The following SLC2A1 variants were observed in gnomAD, a reference collection of about 807,000 sequenced individuals.
The protein encoded by SLC2A1 is solute carrier family 2 member 1.
SLC2A1 carries 4 observed loss-of-function variants against 46.6 expected under a neutral mutation model. The ratio of observed to expected loss-of-function variants is 0.09; its 90% CI spans 0.04 to 0.20. The LOEUF (loss-of-function observed/expected upper bound fraction) is 0.20, where lower values mean the gene tolerates loss of function less well. Among genes scored for constraint, SLC2A1 ranks in the 10% least tolerant of loss-of-function variants. The probability of loss-of-function intolerance (pLI) is 1.00; values close to 1 mark genes in which losing one functional copy is unlikely to be tolerated. For synonymous variants in SLC2A1, 253 were observed against 270.0 expected, an observed-to-expected ratio of 0.94 and a Z score of 0.62; for missense variants, 352 against 667.0, an observed-to-expected ratio of 0.53 and a Z score of 5.20.
chr1:42,927,486 G>A lies in SLC2A1; in HGVS notation c.1278+119C>T. ...CAGCATTCTTGGTCATGTGACCTGG[G>A]CTTCCTACCCTCAGTTTCCTCCTCA... On this transcript the variant is annotated intron_variant, in intron 9 of 9. Transcript: ENST00000426263. This position sits in a 1 kb window ranked among gnomAD's most constrained non-coding sequence, Gnocchi z 5.3. 9.4e-7 allele frequency: 1 copy of A among 1,059,224 alleles called. No individual in the cohort carries two copies. The highest frequency in any genetic ancestry group is 1.4e-6 in the Non-Finnish European group (1 of 699,504). The allele number at this position is 1,059,224 out of a possible 1,614,324, so 65.6% of individuals were successfully genotyped here. A position where few individuals can be genotyped will look rare whatever the true frequency, so the allele number is the denominator to read the frequency against.
rs1643470878 is a variant in SLC2A1, at chr1:42,929,982, C to T, written c.570G>A (p.Leu190=). 1 of 1,614,208 alleles carries T rather than the reference C, an allele frequency of 6.2e-7. No homozygotes were observed. The highest frequency in any genetic ancestry group is 1.3e-5 in the African/African-American group (1 of 75,056). The change falls in exon 5 of 10, where the codon CTG becomes CTA. Residue 190 remains leucine (L), a synonymous_variant. Coordinates refer to ENST00000426263, the MANE Select transcript of SLC2A1 (RefSeq NM_006516.4). The surrounding 1 kb of genome is among the most constrained non-coding windows in gnomAD (Gnocchi z 6.0). Reference sequence around the variant, plus strand: ...GCAGGGCCGGGATGAAGATGATGCTCAGCAGCAGGGGCCACAGGTCCTTGT... The same window carrying T: ...GCAGGGCCGGGATGAAGATGATGCTTAGCAGCAGGGGCCACAGGTCCTTGT... ...MGNKDLWPLL[L]SIIFIPALLQ...
At chr1:42,935,225 C>T (rs1184768221) in intron 2 of SLC2A1, among the ~76,000 whole-genome samples, 1 of 152,174 alleles carries the variant, frequency 6.6e-6, no homozygotes, top group African/African-American at 2.4e-5. Flanking sequence ...GGAGACCACC[C>T]TGGAGAAGCA....
chr1:42,943,019 T>G, intron 2 of SLC2A1: 9 of 616,542 alleles, frequency 1.5e-5, no homozygotes, highest in Non-Finnish European at 1.8e-5. Context: ...CTGTGGGACC[T>G]GAGATTCTAG....
intron 2 of SLC2A1, among the ~76,000 whole-genome samples, chr1:42,932,424 C>CTT (rs138624104): frequency 1.7e-4 from 26 of 152,078 alleles, no homozygotes; most frequent in Non-Finnish European, 4.4e-5. Flanking sequence ...GAAACGGCTT[C>CTT]TTATGCACGT....
At position 42,930,500 on chromosome 1, in the gene SLC2A1, G is replaced by C. The variant is rs773110252; in HGVS notation, c.516+126C>G. The stretch of plus-strand genomic sequence containing the variant: ...GTGTTCTCTGGACCTGTGTACCATA[G>C]TTGTCCTCTGCAAGGCTGTGGGGGC... On this transcript the variant is annotated intron_variant, in intron 4 of 9. Coordinates refer to ENST00000426263, the MANE Select transcript of SLC2A1 (RefSeq NM_006516.4). This position sits in a 1 kb window ranked among gnomAD's most constrained non-coding sequence, Gnocchi z 6.2. 7.7e-6 allele frequency: 10 copies of C among 1,306,224 alleles called. No individual in the cohort carries two copies. In the South Asian group the frequency reaches 1.1e-4, roughly 15 times the overall value. 80.9% of individuals were successfully genotyped at this position (1,306,224 alleles called of 1,614,324 possible). A position where few individuals can be genotyped will look rare whatever the true frequency, so the allele number is the denominator to read the frequency against.
intron 1 of SLC2A1, among the ~76,000 whole-genome samples, chr1:42,948,892 G>A (rs112893098): frequency 0.087 from 13,219 of 151,830 alleles, 736 homozygotes; most frequent in Admixed American, 0.17. Context: ...GTGAAACCCC[G>A]TTTCTACTAA....
chr1:42,957,758 T>C lies in SLC2A1; in HGVS notation c.18+876A>G, dbSNP rs566031388. Reference sequence around the variant, plus strand: ...AAAAAAGAAATCCTATCTAGGGAGTTGTTGGTCCCCAGAGTCCCCATCCCT... The same window carrying C: ...AAAAAAGAAATCCTATCTAGGGAGTCGTTGGTCCCCAGAGTCCCCATCCCT... On this transcript the variant is annotated intron_variant, in intron 1 of 9. Coordinates refer to ENST00000426263, the MANE Select transcript of SLC2A1 (RefSeq NM_006516.4). Among the ~76,000 whole-genome samples the C allele has an allele frequency of 5.8e-4, 89 of 152,250 alleles. 1 individual carries two copies. In the South Asian group the frequency reaches 0.018, roughly 31 times the overall value.
rs747475296 is a variant in SLC2A1, at chr1:42,947,579, CACAAAAAA to C, written c.19-4266_19-4259del. On this transcript the variant is annotated intron_variant, in intron 1 of 9. Transcript: ENST00000426263. ...TCTACTAAAATTACACACACACACA[CACAAAAAA>C]AAAAAAAAAAAAAAAAAAACAGCTG... Among the ~76,000 whole-genome samples, 16 of 28,586 alleles carry C rather than the reference CACAAAAAA, an allele frequency of 5.6e-4. No individual in the cohort carries two copies. The East Asian group carries it at 5.7e-3, about 10-fold the overall frequency. 18.8% of individuals were successfully genotyped at this position (28,586 alleles called of 152,430 possible). A position where few individuals can be genotyped will look rare whatever the true frequency, so the allele number is the denominator to read the frequency against.
chr1:42,948,960 C>T (rs1017527552), intron 1 of SLC2A1, among the ~76,000 whole-genome samples: 4 of 151,342 alleles, frequency 2.6e-5, no homozygotes, highest in Admixed American at 6.6e-5. Context: ...CCCAGCTACT[C>T]GGGAGGCTGA....
chr1:42,938,947 G>GGAGA (rs1643569703), intron 2 of SLC2A1, among the ~76,000 whole-genome samples: 2 of 152,240 alleles, frequency 1.3e-5, no homozygotes, highest in African/African-American at 2.4e-5. Flanking sequence ...CTCTCCCACT[G>GGAGA]CTGTGGAGAC....
In SLC2A1 at chr1:42,931,153, G is replaced by A. The variant is rs1643485287; in HGVS notation, c.168C>T (p.Ile56=). 1.2e-6 allele frequency: 2 copies of A among 1,614,074 alleles called. No homozygotes were observed. The highest frequency in any genetic ancestry group is 8.5e-7 in the Non-Finnish European group (1 of 1,179,932). ...AGAGCGTGGTGAGCGTGGTGGGCAG[G>A]ATGCTCTCCCCATAGCGGTGGACCC... The part of the protein sequence containing the change: ...QTWVHRYGES[I]LPTTLTTLWS... The change falls in exon 3 of 10, where the codon ATC becomes ATT. Residue 56 remains isoleucine, a synonymous_variant. Coordinates refer to ENST00000426263, the MANE Select transcript of SLC2A1 (RefSeq NM_006516.4).
chr1:42,934,059 C>G (rs192900904), intron 2 of SLC2A1, among the ~76,000 whole-genome samples: 1 of 152,272 alleles, frequency 6.6e-6, no homozygotes, highest in Non-Finnish European at 1.5e-5. Flanking sequence ...GAATTGTATA[C>G]AAAGAAAGAG....
At chr1:42,951,036 A>G (rs1361969914) in intron 1 of SLC2A1, among the ~76,000 whole-genome samples, 1 of 152,236 alleles carries the variant, frequency 6.6e-6, no homozygotes, top group Non-Finnish European at 1.5e-5. Flanking sequence ...TCTTCTATGA[A>G]TAAATGATAT....
chr1:42,945,676 G>A (rs1221661897), intron 1 of SLC2A1, among the ~76,000 whole-genome samples: 1 of 150,214 alleles, frequency 6.7e-6, no homozygotes, highest in Admixed American at 6.6e-5. Flanking sequence ...TTATCTGGGA[G>A]ATGAAGTGAG....
At chr1:42,928,541 GT>G (rs1446156692) in intron 8 of SLC2A1, among the ~76,000 whole-genome samples, 4 of 152,202 alleles carry the variant, frequency 2.6e-5, no homozygotes. Context: ...ACCTCCAGTC[GT>G]GTGAACTGAA....
At chr1:42,932,107 CT>C (rs1322887287) in intron 2 of SLC2A1, among the ~76,000 whole-genome samples, 3 of 152,194 alleles carry the variant, frequency 2.0e-5, no homozygotes, top group African/African-American at 7.2e-5. Context: ...TTCCCCAGGC[CT>C]AGCTCCCTTG....
chr1:42,952,390 C>T (rs1048135986), intron 1 of SLC2A1: 2 of 482,466 alleles, frequency 4.1e-6, no homozygotes, highest in South Asian at 3.0e-5. Context: ...AGGAGATTCC[C>T]GTAGAGGCTG....
rs1432354282 is a variant in SLC2A1 at position 42,929,834 on chromosome 1, G to C, written c.679+39C>G. ...GGCTCAGAGTGGGAAGAAGGCCAGG[G>C]CTCAGGGAGTGGGGAGGAGGGCAGG... On this transcript the variant is annotated intron_variant, in intron 5 of 9. Coordinates refer to ENST00000426263, the MANE Select transcript of SLC2A1 (RefSeq NM_006516.4). The surrounding 1 kb of genome is among the most constrained non-coding windows in gnomAD (Gnocchi z 6.0). 4 of 1,614,174 alleles carry C rather than the reference G, an allele frequency of 2.5e-6. No individual in the cohort carries two copies. The African/African-American group carries it at 5.3e-5, about 22-fold the overall frequency.
chr1:42,948,787 C>T (rs1643687441), intron 1 of SLC2A1, among the ~76,000 whole-genome samples: 4 of 151,872 alleles, frequency 2.6e-5, no homozygotes, highest in African/African-American at 9.7e-5. Flanking sequence ...AAGTTGGAGC[C>T]GGGCACGGTG....
Sources: gnomAD v4.1 joint callset for allele counts (sites outside exome capture counted in the v4.1 genomes callset) on GRCh38, gnomAD v4.1.1 for gene constraint, Gnocchi (gnomAD v3.1) non-coding constraint, MANE v1.5 for transcripts, NCBI Gene and HGNC (gene_info 2026-07-23, HGNC 2026-07-21) for gene names.